TTN: variants seen among roughly 807,000 people sequenced by gnomAD.
TTN encodes the protein titin.
In TTN, 1,525 loss-of-function variants were observed where a neutral mutation model predicts 3,223.0. The ratio of observed to expected loss-of-function variants is 0.47; its 90% CI spans 0.45 to 0.49. The LOEUF is 0.49. TTN is among the 20% of genes least tolerant of loss of function. TTN has a pLI of 0.00. For synonymous variants in TTN, 14,094 were observed against 15,161.0 expected, an observed-to-expected ratio of 0.93 and a Z score of 5.17; for missense variants, 40,786 against 43,424.0, an observed-to-expected ratio of 0.94 and a Z score of 5.40.
intron 15 of TTN, 56 bp from the exon 16 acceptor site, chr2:178,784,407 C>T: frequency 1.9e-6 from 3 of 1,594,322 alleles, no homozygotes; most frequent in Non-Finnish European, 2.6e-6. Context: ...CGATGGCTAG[C>T]CCTCTTGGAC....
chr2:178,759,719 G>A (rs2088487638), intron 43 of TTN, among the ~76,000 whole-genome samples: 1 of 152,132 alleles, frequency 6.6e-6, no homozygotes, highest in Admixed American at 6.5e-5. Context: ...ATGAGCAAAA[G>A]GTTTCAGTAC....
Position 178,589,737 on chromosome 2 carries a change from A to G in TTN, c.61988T>C (p.Ile20663Thr), listed in dbSNP as rs1297355642. 6.2e-7 allele frequency: 1 copy of G among 1,613,582 alleles called. No homozygotes were observed. Among genetic ancestry groups the G allele is most frequent in the Admixed American group, 1.7e-5 (1 of 59,992 alleles). Residue 20663 changes from isoleucine (I) to threonine (T), a missense_variant, in exon 304 of 363, where the codon ATT (isoleucine) becomes ACT (threonine). By Grantham distance (89) the Ile-to-Thr change is moderately conservative (BLOSUM62 -1). Coordinates refer to ENST00000589042, the MANE Select transcript of TTN (RefSeq NM_001267550.2). ...CTCACCTGGTCTGTCAATAGGGTTA[A>G]TAGCCAGAATGGGAGTTTTTGTTTC... The part of the protein sequence containing the change: ...TIETKTPILA[I>T]NPIDRPGEPE...
Position 178,552,842 on chromosome 2 carries a change from C to T in TTN, c.90058G>A (p.Glu30020Lys), listed in dbSNP as rs1699956677. 1 of 1,613,822 alleles carries T rather than the reference C, an allele frequency of 6.2e-7. No individual in the cohort carries two copies. Among genetic ancestry groups the T allele is most frequent in the Non-Finnish European group, 8.5e-7 (1 of 1,179,792 alleles). Reference protein sequence around the residue: ...ENEIGIGEPCETTEPVKAAEV... With the variant: ...ENEIGIGEPCKTTEPVKAAEV... ...GCAGCCTTCACTGGCTCTGTAGTTTCACAGGGTTCCCCAATTCCAATTTCA... is the reference window on the plus strand; with the variant it reads ...GCAGCCTTCACTGGCTCTGTAGTTTTACAGGGTTCCCCAATTCCAATTTCA... Residue 30020 changes from glutamate (E) to lysine (K), a missense_variant, in exon 335 of 363, where the codon GAA (glutamate) becomes AAA (lysine). Transcript: ENST00000589042.
chr2:178,650,987 T>C (rs1329451968), intron 208 of TTN, 153 bp from the exon 209 acceptor site: 4 of 838,806 alleles, frequency 4.8e-6, no homozygotes, highest in Admixed American at 5.1e-5. Flanking sequence ...GACCCTCATA[T>C]AGTGGGGAGG....
Position 178,764,579 on chromosome 2 carries a change from T to C in TTN, c.9936A>G (p.Glu3312=). 1.2e-6 allele frequency: 2 copies of C among 1,614,152 alleles called. No homozygotes were observed. Among genetic ancestry groups the C allele is most frequent in the Non-Finnish European group, 1.7e-6 (2 of 1,180,010 alleles). Residue 3312 remains glutamate (E), a synonymous_variant, in exon 42 of 363, where the codon GAA becomes GAG. Transcript: ENST00000589042. ...TGGCAACACCATAGTCATTCTTGGC[T>C]TCACAGGTATAGACTGCCGCATCCT... The part of the protein sequence containing the change: ...FPEDAAVYTC[E]AKNDYGVATT...
Position 178,776,987 on chromosome 2 carries a change from G to A in TTN, c.4877C>T (p.Ala1626Val). 1 of 1,613,980 alleles carries A rather than the reference G, an allele frequency of 6.2e-7. No individual in the cohort carries two copies. The highest frequency in any genetic ancestry group is 8.5e-7 in the Non-Finnish European group (1 of 1,179,990). Residue 1626 changes from alanine to valine, a missense_variant, in exon 28 of 363, where the codon GCC becomes GTC. By Grantham distance (64) the Ala-to-Val change is moderately conservative (BLOSUM62 0). Transcript: ENST00000589042. Reference protein sequence around the residue: ...KIDSTVSQDSAWYTATAINKA... With the variant: ...KIDSTVSQDSVWYTATAINKA... ...ATTAATAGCAGTCGCAGTATACCAG[G>A]CAGAATCTTGGCTGACAGTGGAATC...
In TTN at chr2:178,646,207, C is replaced by T. The variant is rs538137085; in HGVS notation, c.40298-177G>A. On this transcript the variant is annotated intron_variant, in intron 216 of 362. Transcript: ENST00000589042. ...CCAGTATCCAACATAAAACACAGAACATAAAACATAAAAATATCAACCCTT... is the reference window on the plus strand; with the variant it reads ...CCAGTATCCAACATAAAACACAGAATATAAAACATAAAAATATCAACCCTT... 9.0e-4 allele frequency among the ~76,000 whole-genome samples: 116 copies of T among 129,428 alleles called. 1 individual carries two copies. The highest frequency in any genetic ancestry group is 3.2e-3 in the African/African-American group (113 of 34,852). The allele number at this position is 129,428 out of a possible 152,430, so 84.9% of individuals were successfully genotyped here.
At position 178,533,902 on chromosome 2, in the gene TTN, C is replaced by G; in HGVS notation, c.102713G>C (p.Arg34238Pro). 1.2e-6 allele frequency: 2 copies of G among 1,613,790 alleles called. No individual in the cohort carries two copies. The highest frequency in any genetic ancestry group is 1.7e-6 in the Non-Finnish European group (2 of 1,179,854). Residue 34238 changes from arginine (R) to proline (P), a missense_variant, in exon 358 of 363, where the codon CGT (arginine) becomes CCT (proline). Coordinates refer to ENST00000589042, the MANE Select transcript of TTN (RefSeq NM_001267550.2). Reference protein sequence around the residue: ...GVREVYDYYCRRTMKKIKRRT... With the variant: ...GVREVYDYYCPRTMKKIKRRT... Reference sequence around the variant, plus strand: ...GCGCTTAATTTTCTTCATGGTTCTACGGCAGTAATAGTCATAGACTTCTCT... The same window carrying G: ...GCGCTTAATTTTCTTCATGGTTCTAGGGCAGTAATAGTCATAGACTTCTCT...
In TTN at chr2:178,592,101, T is replaced by G. The variant is rs377276874; in HGVS notation, c.59803A>C (p.Ser19935Arg). 1.9e-6 allele frequency: 3 copies of G among 1,612,904 alleles called. No individual in the cohort carries two copies. In the African/African-American group the frequency reaches 4.0e-5, roughly 22 times the overall value. Residue 19935 changes from serine to arginine, a missense_variant, in exon 302 of 363, where the codon AGT becomes CGT. Ser to Arg is a moderately radical substitution (Grantham distance 110, BLOSUM62 -1). Coordinates refer to ENST00000589042, the MANE Select transcript of TTN (RefSeq NM_001267550.2). ...SPLSATSKKK[S>R]HFAKHLNEGN... ...TCATTCAGATGCTTAGCGAAGTGACTCTTTTTCTTTGATGTAGCTGAGAGA... is the reference window on the plus strand; with the variant it reads ...TCATTCAGATGCTTAGCGAAGTGACGCTTTTTCTTTGATGTAGCTGAGAGA...
Position 178,693,686 on chromosome 2 carries a change from G to T in TTN, c.31517C>A (p.Pro10506His). ...AGTAACAATTTCCTTTTGTACCTCG[G>T]GGACTTAAAAAAATGTACATTTTAA... ...HTEEEVSVTV[P>H]EVQKEIVTEE... The change falls in exon 119 of 363, where the codon CCC becomes CAC. Residue 10506 changes from proline (P) to histidine (H), a missense_variant. By Grantham distance (77) the Pro-to-His change is moderately conservative (BLOSUM62 -2). Transcript: ENST00000589042. 6.3e-7 allele frequency: 1 copy of T among 1,591,698 alleles called. No homozygotes were observed.
rs781775537 is a variant in TTN, at chr2:178,625,351, C to T, written c.44470G>A (p.Asp14824Asn). 1.2e-6 allele frequency: 2 copies of T among 1,600,908 alleles called. No individual in the cohort carries two copies. Among genetic ancestry groups the T allele is most frequent in the Non-Finnish European group, 1.7e-6 (2 of 1,174,528 alleles). Residue 14824 changes from aspartate to asparagine, a missense_variant, in exon 241 of 363, where the codon GAT becomes AAT. By Grantham distance (23) the Asp-to-Asn change is conservative. Transcript: ENST00000589042. ...TCCCCAGCATCTTCTAACTTTACAT[C>T]CCTCAGAGTAAGTGTATGAACTTTT... ...EGKVHTLTLR[D>N]VKLEDAGEVQ... is the part of the protein sequence containing the mutation.
Position 178,609,500 on chromosome 2 carries a change from A to T in TTN, c.51810T>A (p.Ser17270Arg), listed in dbSNP as rs2055789793. The T allele has an allele frequency of 1.2e-6, 2 of 1,612,576 alleles. No homozygotes were observed. The highest frequency in any genetic ancestry group is 1.7e-6 in the Non-Finnish European group (2 of 1,179,156). Reference sequence around the variant, plus strand: ...TAGTTGGGTAAGGTGATCCAGAAATACTTGCATCAAGTGCTATTTCATCAC... The same window carrying T: ...TAGTTGGGTAAGGTGATCCAGAAATTCTTGCATCAAGTGCTATTTCATCAC... ...KRGDEIALDA[S>R]ISGSPYPTIT... The change falls in exon 273 of 363, where the codon AGT (serine) becomes AGA (arginine). Residue 17270 changes from serine to arginine, a missense_variant. Ser to Arg is a moderately radical substitution (Grantham distance 110). Transcript: ENST00000589042.
At chr2:178,739,067 T>C in intron 48 of TTN, 74 bp downstream of exon 48, 1 of 1,429,012 alleles carries the variant, frequency 7.0e-7, no homozygotes, top group Non-Finnish European at 9.2e-7. Flanking sequence ...AAGTGAAAAT[T>C]TAAGTGATGC....
At chr2:178,718,630 C>A in intron 84 of TTN, 30 bp from the exon 85 acceptor site, 3 of 1,602,814 alleles carry the variant, frequency 1.9e-6, no homozygotes, top group Non-Finnish European at 2.6e-6. Context: ...GGGTAAAATT[C>A]TTGCCTTCTA....
rs727503545 is a variant in TTN, at chr2:178,546,764, C to T, written c.94664G>A (p.Arg31555His). 2.3e-5 allele frequency: 37 copies of T among 1,613,608 alleles called. No homozygotes were observed. In the Admixed American group the frequency reaches 4.2e-4, roughly 18 times the overall value. ...AATGGTGTAGTTGCACTTCAGCCAG[C>T]GACCATCTCCTACCTCACTGACTGG... Reference protein sequence around the residue: ...RKPVSEVGDGRWLKCNYTIVS... With the variant: ...RKPVSEVGDGHWLKCNYTIVS... Residue 31555 changes from arginine (R) to histidine (H), a missense_variant, in exon 341 of 363, where the codon CGC becomes CAC. Transcript: ENST00000589042.
chr2:178,552,273 T>A lies in TTN; in HGVS notation c.90627A>T (p.Ala30209=). 1 of 1,613,602 alleles carries A rather than the reference T, an allele frequency of 6.2e-7. No individual in the cohort carries two copies. Among genetic ancestry groups the A allele is most frequent in the Non-Finnish European group, 8.5e-7 (1 of 1,179,704 alleles). The change falls in exon 335 of 363, where the codon GCA becomes GCT. Residue 30209 remains alanine, a synonymous_variant. Transcript: ENST00000589042. ...TAATGGGGACTGCAATTCTACACAC[T>A]GCATTATCAAGAATAACAGTGTATT... ...GGKYTVILDN[A]VCRIAVPITV... is the part of the protein sequence containing the mutation.
chr2:178,715,476 G>C lies in TTN; in HGVS notation c.25921+17C>G, dbSNP rs779459920. The C allele has an allele frequency of 1.2e-6, 2 of 1,601,320 alleles. No homozygotes were observed. Among genetic ancestry groups the C allele is most frequent in the Admixed American group, 3.4e-5 (2 of 59,288 alleles). ...GGAGGCTAATGTGAAAAACACACAGGTGGGGAGAGCGCTGACCTTTAACTT... is the reference window on the plus strand; with the variant it reads ...GGAGGCTAATGTGAAAAACACACAGCTGGGGAGAGCGCTGACCTTTAACTT... On this transcript the variant is annotated intron_variant, in intron 89 of 362. Transcript: ENST00000589042.
At position 178,573,115 on chromosome 2, in the gene TTN, G is replaced by A. The variant is rs1428316142; in HGVS notation, c.73017C>T (p.Ser24339=). 1 of 1,613,296 alleles carries A rather than the reference G, an allele frequency of 6.2e-7. No homozygotes were observed. Among genetic ancestry groups the A allele is most frequent in the East Asian group, 2.2e-5 (1 of 44,708 alleles). ...TAGGTTTATTCCAAGCGATTGAAATGGATGATCTGCTTGTATCCAGAACAC... is the reference window on the plus strand; with the variant it reads ...TAGGTTTATTCCAAGCGATTGAAATAGATGATCTGCTTGTATCCAGAACAC... ...NPRVLDTSRS[S]ISIAWNKPIY... The change falls in exon 326 of 363, where the codon TCC becomes TCT. Residue 24339 remains serine (S), a synonymous_variant. Coordinates refer to ENST00000589042, the MANE Select transcript of TTN (RefSeq NM_001267550.2).
chr2:178,577,812 T>C lies in TTN; in HGVS notation c.68614A>G (p.Lys22872Glu). The C allele has an allele frequency of 6.2e-7, 1 of 1,612,294 alleles. No individual in the cohort carries two copies. The highest frequency in any genetic ancestry group is 1.1e-5 in the South Asian group (1 of 90,826). The change falls in exon 323 of 363, where the codon AAG (lysine) becomes GAG (glutamate). Residue 22872 changes from lysine (K) to glutamate (E), a missense_variant. Transcript: ENST00000589042. ...WTEPKYDGGH[K>E]LTGYIVEKRD... ...TTCTCCACTATATATCCAGTTAACT[T>C]ATGACCACCGTCATATTTAGGTTCA...
Sources: gnomAD v4.1 joint callset for allele counts (sites outside exome capture counted in the v4.1 genomes callset) on GRCh38, gnomAD v4.1.1 for gene constraint, MANE v1.5 for transcripts, NCBI Gene and HGNC (gene_info 2026-07-23, HGNC 2026-07-21) for gene names.